Variants in RAMP3 observed in about 807,000 individuals in gnomAD.
RAMP3 encodes the protein receptor activity-modifying protein 3.
Under a neutral mutation model 13.5 loss-of-function variants are expected in RAMP3, and 14 were observed. That is an observed-to-expected ratio of 1.04 (90% CI 0.69 to 1.63). RAMP3 has a LOEUF of 1.63. Among genes scored for constraint, RAMP3 ranks in the 40% most tolerant of loss-of-function variants. RAMP3 has a pLI of 0.00. For missense variants in RAMP3, 200 were observed against 204.8 expected (o/e 0.98, Z 0.14); for synonymous variants, 106 against 88.3 (o/e 1.20, Z -1.12).
Position 45,177,365 on chromosome 7 carries a change from CT to C in RAMP3, c.116del (p.Leu39ArgfsTer9). The part of the protein sequence containing the change: ...NETGMLERLP[L>X]CGKAFADMMG... ...GACAGGCATGTTGGAGAGGCTGCCC[CT>C]GTGTGGGAAGGCTTTCGCAGACATG... On this transcript the variant is annotated frameshift_variant, in exon 2 of 3. Transcript: ENST00000242249. LOFTEE classifies it high-confidence loss of function. The C allele has an allele frequency of 6.2e-7, 1 of 1,614,144 alleles. No homozygotes were observed. The highest frequency in any genetic ancestry group is 1.7e-4 in the Middle Eastern group (1 of 6,060).
At chr7:45,173,852 G>A (rs1584073107) in intron 1 of RAMP3, among the ~76,000 whole-genome samples, 1 of 152,306 alleles carries the variant, frequency 6.6e-6, no homozygotes, top group Admixed American at 6.5e-5. Context: ...ACCATCCTGG[G>A]GTCCTCACAT....
At chr7:45,164,102 A>G (rs560857273) in intron 1 of RAMP3, among the ~76,000 whole-genome samples, 1 of 152,182 alleles carries the variant, frequency 6.6e-6, no homozygotes, top group Admixed American at 6.5e-5. Flanking sequence ...TACACCCACA[A>G]TGGTGTGTAC....
intron 2 of RAMP3, among the ~76,000 whole-genome samples, chr7:45,181,428 A>T (rs1786312155): frequency 6.6e-6 from 1 of 151,910 alleles, no homozygotes; most frequent in South Asian, 2.1e-4. Context: ...TGCCCTGTAG[A>T]CTCGCTGTCC....
intron 1 of RAMP3, among the ~76,000 whole-genome samples, chr7:45,174,264 G>C (rs568838780): frequency 1.3e-5 from 2 of 152,220 alleles, no homozygotes; most frequent in South Asian, 4.1e-4. Flanking sequence ...TAGTGCCCTT[G>C]GGGTCTGCTG....
chr7:45,173,869 C>T (rs1382589563), intron 1 of RAMP3, among the ~76,000 whole-genome samples: 5 of 152,176 alleles, frequency 3.3e-5, no homozygotes, highest in African/African-American at 4.8e-5. Context: ...ACATTCATGG[C>T]GCAAATGCTG....
At position 45,183,515 on chromosome 7, in the gene RAMP3, ACACCC is replaced by A; in HGVS notation, c.*108_*112del. ...CTGCCAATCTCCAGCTACTGTGGCC[ACACCC>A]CACCTGGTCATGGGCAGACCCCTCC... is the stretch of plus-strand genomic sequence containing the variant. On this transcript the variant is annotated 3_prime_UTR_variant, in exon 3 of 3. Coordinates refer to ENST00000242249, the MANE Select transcript of RAMP3 (RefSeq NM_005856.3). 1 of 1,505,792 alleles carries A rather than the reference ACACCC, an allele frequency of 6.6e-7. No homozygotes were observed. The highest frequency in any genetic ancestry group is 9.0e-7 in the Non-Finnish European group (1 of 1,109,774). The allele number at this position is 1,505,792 out of a possible 1,614,324, so 93.3% of individuals were successfully genotyped here. A position where few individuals can be genotyped will look rare whatever the true frequency, so the allele number is the denominator to read the frequency against.
At chr7:45,170,869 G>A (rs1467765619) in intron 1 of RAMP3, among the ~76,000 whole-genome samples, 2 of 151,420 alleles carry the variant, frequency 1.3e-5, no homozygotes, top group African/African-American at 4.9e-5. Context: ...GGCTGGTCAG[G>A]AACTCCCAGC....
chr7:45,160,599 C>T (rs978897188), intron 1 of RAMP3, among the ~76,000 whole-genome samples: 4 of 152,042 alleles, frequency 2.6e-5, no homozygotes, highest in Non-Finnish European at 5.9e-5. Context: ...TTGCCAGTCT[C>T]GTCGATGCTC....
In RAMP3 at chr7:45,183,225, C is replaced by A. The variant is rs1328179661; in HGVS notation, c.260C>A (p.Pro87His). 6.2e-7 allele frequency: 1 copy of A among 1,613,856 alleles called. No individual in the cohort carries two copies. The highest frequency in any genetic ancestry group is 1.7e-5 in the Admixed American group (1 of 60,024). The change falls in exon 3 of 3, where the codon CCC becomes CAC. Residue 87 changes from proline (P) to histidine (H), a missense_variant. By Grantham distance (77) the Pro-to-His change is moderately conservative (BLOSUM62 -2). Transcript: ENST00000242249. ...ANVVGCYWPN[P>H]LAQGFITGIH... The stretch of plus-strand genomic sequence containing the variant: ...GTCGTGGGCTGCTACTGGCCCAACC[C>A]CCTGGCCCAGGGCTTCATCACCGGC...
intron 1 of RAMP3, among the ~76,000 whole-genome samples, chr7:45,171,989 T>C (rs1178181225): frequency 6.6e-6 from 1 of 152,224 alleles, no homozygotes; most frequent in Non-Finnish European, 1.5e-5. Flanking sequence ...TGAGGGACAC[T>C]GTAGTTCCTG....
At position 45,157,857 on chromosome 7, in the gene RAMP3, A is replaced by G; in HGVS notation, c.29A>G (p.Gln10Arg). 1 of 1,397,036 alleles carries G rather than the reference A, an allele frequency of 7.2e-7. No homozygotes were observed. Among genetic ancestry groups the G allele is most frequent in the Non-Finnish European group, 9.2e-7 (1 of 1,082,090 alleles). The allele number at this position is 1,397,036 out of a possible 1,614,324, so 86.5% of individuals were successfully genotyped here. ...GAGACTGGAGCGCTGCGGCGCCCGC[A>G]ACTTCTCCCGTTGCTGCTGCTGCTC... The part of the protein sequence containing the change: METGALRRP[Q>R]LLPLLLLLCG... Residue 10 changes from glutamine (Q) to arginine (R), a missense_variant, in exon 1 of 3, where the codon CAA becomes CGA. Coordinates refer to ENST00000242249, the MANE Select transcript of RAMP3 (RefSeq NM_005856.3).
intron 1 of RAMP3, chr7:45,163,972 A>T: frequency 1.2e-6 from 1 of 832,074 alleles, no homozygotes; most frequent in Non-Finnish European, 1.4e-6. Context: ...GTGGGAGAGT[A>T]CTGTGGCTGA....
chr7:45,169,698 C>A (rs980844019), intron 1 of RAMP3, among the ~76,000 whole-genome samples: 3 of 152,190 alleles, frequency 2.0e-5, no homozygotes, highest in African/African-American at 7.2e-5. Flanking sequence ...CTGTTGTCTT[C>A]TCCCTGAATG....
Position 45,183,303 on chromosome 7 carries a change from AC to A in RAMP3, c.344del (p.Pro115GlnfsTer8), listed in dbSNP as rs763340102. ...NCTVDRVHLEDPPDEVLIPLI... is the reference protein window; with the variant it reads ...NCTVDRVHLEXPPDEVLIPLI... The stretch of plus-strand genomic sequence containing the variant: ...ACCGTGGACAGGGTCCACTTGGAGG[AC>A]CCCCCAGACGAGGTTCTCATCCCGC... On this transcript the variant is annotated frameshift_variant, in exon 3 of 3. Transcript: ENST00000242249. LOFTEE classifies it high-confidence loss of function. 22 of 1,613,466 alleles carry A rather than the reference AC, an allele frequency of 1.4e-5. No homozygotes were observed. Among genetic ancestry groups the A allele is most frequent in the Middle Eastern group, 3.3e-4 (2 of 6,084 alleles).
At position 45,183,558 on chromosome 7, in the gene RAMP3, A is replaced by AGGC; in HGVS notation, c.*146_*147insGGC. On this transcript the variant is annotated 3_prime_UTR_variant, in exon 3 of 3. Coordinates refer to ENST00000242249, the MANE Select transcript of RAMP3 (RefSeq NM_005856.3). ...GGCAGACCCCTCCCTTCCTGGGCTG[A>AGGC]CCTGCTCCCTCGAGGCCAGCCTGCT... 1 of 1,227,070 alleles carries AGGC rather than the reference A, an allele frequency of 8.1e-7. No homozygotes were observed. The allele number at this position is 1,227,070 out of a possible 1,614,324, so 76.0% of individuals were successfully genotyped here.
chr7:45,159,751 T>G lies in RAMP3; in HGVS notation c.58+1865T>G, dbSNP rs577124731. ...ATTCAGTTTAGTCCCTATCACCTTG[T>G]GTTGGGCATGGGATTGTGGGGTGGA... is the stretch of plus-strand genomic sequence containing the variant. On this transcript the variant is annotated intron_variant, in intron 1 of 2. Coordinates refer to ENST00000242249, the MANE Select transcript of RAMP3 (RefSeq NM_005856.3). 5.1e-4 allele frequency among the ~76,000 whole-genome samples: 78 copies of G among 152,300 alleles called. No individual in the cohort carries two copies. The South Asian group carries it at 0.015, about 29-fold the overall frequency.
Position 45,183,425 on chromosome 7 carries a change from G to A in RAMP3, c.*13G>A, listed in dbSNP as rs766219700. 5.6e-5 allele frequency: 90 copies of A among 1,609,260 alleles called. No individual in the cohort carries two copies. The highest frequency in any genetic ancestry group is 7.2e-5 in the Non-Finnish European group (85 of 1,179,478). On this transcript the variant is annotated 3_prime_UTR_variant, in exon 3 of 3. Coordinates refer to ENST00000242249, the MANE Select transcript of RAMP3 (RefSeq NM_005856.3). ...CACGCTGCTGTGAGGGTCCCGGTGA[G>A]ATGGAGTGGGTCACACCTGGCAAGC... is the stretch of plus-strand genomic sequence containing the variant.
chr7:45,166,483 C>A (rs1276663753), intron 1 of RAMP3, among the ~76,000 whole-genome samples: 1 of 152,076 alleles, frequency 6.6e-6, no homozygotes, highest in Non-Finnish European at 1.5e-5. Context: ...TATTCATATC[C>A]TTTGCCCATT....
At chr7:45,160,568 A>G (rs1266132408) in intron 1 of RAMP3, among the ~76,000 whole-genome samples, 2 of 151,906 alleles carry the variant, frequency 1.3e-5, no homozygotes, top group Non-Finnish European at 2.9e-5. Context: ...AGGTCGACTG[A>G]CCGTGGCCCA....
Sources: allele counts gnomAD v4.1 joint callset (sites outside exome capture counted in the v4.1 genomes callset), GRCh38; gene constraint gnomAD v4.1.1; transcripts MANE v1.5; gene names NCBI Gene and HGNC (gene_info 2026-07-23, HGNC 2026-07-21).